The following ANO10 variants were observed in gnomAD, a reference collection of about 807,000 sequenced individuals.
The protein encoded by ANO10 is anoctamin-10.
A neutral mutation model predicts 74.7 loss-of-function variants in ANO10; 77 were observed. The observed-to-expected ratio is 1.03, with a 90% CI of 0.86 to 1.25. The LOEUF (loss-of-function observed/expected upper bound fraction) is 1.25, where lower values mean the gene tolerates loss of function less well. ANO10 is among the 50% of genes most tolerant of loss of function. ANO10 has a pLI of 0.00. For synonymous variants in ANO10, 279 were observed against 284.9 expected (o/e 0.98, Z 0.21); for missense variants, 721 against 778.1 (o/e 0.93, Z 0.87).
At chr3:43,633,344 T>A (rs866177217) in intron 1 of ANO10, among the ~76,000 whole-genome samples, 1 of 152,208 alleles carries the variant, frequency 6.6e-6, no homozygotes, top group South Asian at 2.1e-4. Flanking sequence ...AAATGTTGTT[T>A]TATTTCCACT....
At chr3:43,440,109 G>C (rs941893945) in intron 11 of ANO10, among the ~76,000 whole-genome samples, 2 of 151,824 alleles carry the variant, frequency 1.3e-5, no homozygotes, top group African/African-American at 4.8e-5. Flanking sequence ...AAAATACAAA[G>C]GAAGGCAGCA....
chr3:43,404,889 A>C (rs1287794189), intron 12 of ANO10, among the ~76,000 whole-genome samples: 2 of 151,418 alleles, frequency 1.3e-5, no homozygotes, highest in Admixed American at 1.3e-4. Context: ...AAAAAAAAAA[A>C]AAAAAACCAC....
chr3:43,543,555 T>A (rs1241807398), intron 11 of ANO10, among the ~76,000 whole-genome samples: 1 of 151,996 alleles, frequency 6.6e-6, no homozygotes, highest in Non-Finnish European at 1.5e-5. Flanking sequence ...CGCCCGCTAA[T>A]TTTTTTGTAT....
At chr3:43,665,032 C>T (rs1436973126) in intron 1 of ANO10, among the ~76,000 whole-genome samples, 1 of 152,134 alleles carries the variant, frequency 6.6e-6, no homozygotes, top group Non-Finnish European at 1.5e-5. Context: ...TGGGTATATA[C>T]CCAAAGGATT....
At chr3:43,613,211 G>A (rs561749695) in intron 1 of ANO10, among the ~76,000 whole-genome samples, 43 of 151,790 alleles carry the variant, frequency 2.8e-4, no homozygotes, top group Middle Eastern at 3.4e-3. Context: ...AATGTATCAG[G>A]AATGCTATTG....
chr3:43,590,765 T>C (rs1175587629), intron 4 of ANO10, among the ~76,000 whole-genome samples: 3 of 152,188 alleles, frequency 2.0e-5, no homozygotes, highest in Non-Finnish European at 4.4e-5. Context: ...TGGTGACAAC[T>C]GGGAAAATGT....
At chr3:43,372,362 C>G (rs2091644700) in intron 12 of ANO10, among the ~76,000 whole-genome samples, 1 of 152,192 alleles carries the variant, frequency 6.6e-6, no homozygotes. Context: ...CCACTCTTGT[C>G]TCAAGGCAGC....
At chr3:43,420,525 G>C (rs2092804540) in intron 12 of ANO10, among the ~76,000 whole-genome samples, 1 of 144,566 alleles carries the variant, frequency 6.9e-6, no homozygotes, top group African/African-American at 2.9e-5. Context: ...AAAGGAAAAA[G>C]AAAGGAAAGG....
intron 1 of ANO10, among the ~76,000 whole-genome samples, chr3:43,646,566 C>T (rs2083728842): frequency 6.6e-6 from 1 of 152,098 alleles, no homozygotes; most frequent in Non-Finnish European, 1.5e-5. Context: ...GAGTCTTGCT[C>T]TGATGCCCAG....
chr3:43,673,271 C>G (rs888163060), intron 1 of ANO10, among the ~76,000 whole-genome samples: 1 of 152,148 alleles, frequency 6.6e-6, no homozygotes, highest in Non-Finnish European at 1.5e-5. Flanking sequence ...AGCCAAGATG[C>G]CAATTGGTGT....
At chr3:43,515,989 TAG>T (rs1209179208) in intron 11 of ANO10, among the ~76,000 whole-genome samples, 1 of 152,198 alleles carries the variant, frequency 6.6e-6, no homozygotes, top group African/African-American at 2.4e-5. Flanking sequence ...CAAAACGACG[TAG>T]AGAGGCATTA....
At chr3:43,432,860 T>C in intron 11 of ANO10, 133 bp from the exon 12 acceptor site, 1 of 626,254 alleles carries the variant, frequency 1.6e-6, no homozygotes, top group Non-Finnish European at 2.9e-6. Flanking sequence ...CTGTGAAGTA[T>C]CAAAGACCAA....
At chr3:43,688,540 T>C (rs1357161205) in intron 1 of ANO10, among the ~76,000 whole-genome samples, 1 of 152,152 alleles carries the variant, frequency 6.6e-6, no homozygotes, top group Non-Finnish European at 1.5e-5. Flanking sequence ...AGGCTGTTCT[T>C]ACATTGTTAT....
chr3:43,640,821 C>A (rs1388908544), intron 1 of ANO10, among the ~76,000 whole-genome samples: 1 of 152,134 alleles, frequency 6.6e-6, no homozygotes, highest in African/African-American at 2.4e-5. Context: ...TTTTTGTATT[C>A]TAATACTTTT....
At chr3:43,591,433 T>C (rs1299793324) in intron 4 of ANO10, among the ~76,000 whole-genome samples, 2 of 152,028 alleles carry the variant, frequency 1.3e-5, no homozygotes, top group Non-Finnish European at 2.9e-5. Context: ...GCTATAACAC[T>C]CACTGCATGG....
At position 43,605,797 on chromosome 3, in the gene ANO10, A is replaced by G; in HGVS notation, c.56T>C (p.Val19Ala). Residue 19 changes from valine (V) to alanine (A), a missense_variant, in exon 2 of 13, where the codon GTG becomes GCG. Coordinates refer to ENST00000292246, the MANE Select transcript of ANO10 (RefSeq NM_018075.5). ...DTSESSFTPLVVIELAQDVKE... is the reference protein window; with the variant it reads ...DTSESSFTPLAVIELAQDVKE... ...GACATCCTGAGCAAGTTCTATGACC[A>G]CCAAAGGTGTGAAAGAACTCTCAGA... 1 of 1,613,746 alleles carries G rather than the reference A, an allele frequency of 6.2e-7. No individual in the cohort carries two copies. Among genetic ancestry groups the G allele is most frequent in the Non-Finnish European group, 8.5e-7 (1 of 1,179,744 alleles).
intron 11 of ANO10, among the ~76,000 whole-genome samples, chr3:43,437,936 AC>A (rs1477140070): frequency 3.3e-5 from 5 of 152,152 alleles, no homozygotes; most frequent in African/African-American, 1.2e-4. Flanking sequence ...TCAGAAGCTG[AC>A]CCAAAAGAAA....
chr3:43,431,559 T>A (rs2092981022), intron 12 of ANO10, among the ~76,000 whole-genome samples: 1 of 152,058 alleles, frequency 6.6e-6, no homozygotes. Context: ...GGTTCCGGTT[T>A]ACCATATAGA....
At chr3:43,394,208 C>T (rs767653579) in intron 12 of ANO10, among the ~76,000 whole-genome samples, 4 of 151,992 alleles carry the variant, frequency 2.6e-5, no homozygotes, top group Non-Finnish European at 4.4e-5. Flanking sequence ...AGACGTTGTC[C>T]CCCTCTGGTC....
Sources: gnomAD v4.1 joint callset for allele counts (sites outside exome capture counted in the v4.1 genomes callset) on GRCh38, gnomAD v4.1.1 for gene constraint, MANE v1.5 for transcripts, NCBI Gene and HGNC (gene_info 2026-07-23, HGNC 2026-07-21) for gene names.